The following OPRD1 variants were observed in gnomAD, a reference collection of about 807,000 sequenced individuals.
OPRD1 encodes delta-type opioid receptor.
A neutral mutation model predicts 17.5 loss-of-function variants in OPRD1; 19 were observed. That is an observed-to-expected ratio of 1.09 (90% CI 0.76 to 1.60). OPRD1 has a LOEUF of 1.60. Ranked by LOEUF, OPRD1 falls within the 40% of genes most tolerant of loss-of-function variation. The probability of loss-of-function intolerance (pLI) is 0.00; values close to 1 mark genes in which losing one functional copy is unlikely to be tolerated. For missense variants in OPRD1, 483 were observed against 547.2 expected, an observed-to-expected ratio of 0.88 and a Z score of 1.17; for synonymous variants, 256 against 240.9, an observed-to-expected ratio of 1.06 and a Z score of -0.58.
chr1:28,859,025 G>C lies in OPRD1; in HGVS notation c.299G>C (p.Ser100Thr), dbSNP rs762994659. The C allele has an allele frequency of 1.2e-6, 2 of 1,614,096 alleles. No homozygotes were observed. The highest frequency in any genetic ancestry group is 3.3e-5 in the Admixed American group (2 of 60,028). ...NLALADALAT[S>T]TLPFQSAKYL... ...GCCTTAGCCGATGCGCTGGCCACCA[G>C]CACGCTGCCTTTCCAGAGTGCCAAG... Residue 100 changes from serine to threonine, a missense_variant, in exon 2 of 3, where the codon AGC (serine) becomes ACC (threonine). Ser to Thr is a moderately conservative substitution (Grantham distance 58, BLOSUM62 1). Transcript: ENST00000234961.
chr1:28,833,760 AAGTTTCCCTG>A (rs2088826630), intron 1 of OPRD1, among the ~76,000 whole-genome samples: 1 of 152,196 alleles, frequency 6.6e-6, no homozygotes, highest in Admixed American at 6.6e-5. Context: ...TTCGTTGGGC[AAGTTTCCCTG>A]ACTCTCTGAT....
chr1:28,834,213 T>C (rs2088830988), intron 1 of OPRD1, among the ~76,000 whole-genome samples: 2 of 151,052 alleles, frequency 1.3e-5, no homozygotes, highest in Admixed American at 1.3e-4. Flanking sequence ...CGCCCAGCCT[T>C]GAACCAGTGT....
In OPRD1 at chr1:28,858,936, C is replaced by T. The variant is rs1434367599; in HGVS notation, c.228-18C>T. On this transcript the variant is annotated intron_variant, in intron 1 of 2. Transcript: ENST00000234961. ...AATCTGTGAAATGGGATTAATTACA[C>T]ATGCATTTCTTTCTAAGGTACACTA... 1.9e-6 allele frequency: 3 copies of T among 1,590,092 alleles called. No individual in the cohort carries two copies. The African/African-American group carries it at 4.0e-5, about 21-fold the overall frequency.
chr1:28,859,709 G>C (rs958154483), intron 2 of OPRD1, among the ~76,000 whole-genome samples: 1 of 152,208 alleles, frequency 6.6e-6, no homozygotes, highest in Non-Finnish European at 1.5e-5. Context: ...TCACTGACCA[G>C]TGAGCAGTGG....
chr1:28,846,701 AAAAAGAG>A lies in OPRD1; in HGVS notation c.228-12251_228-12245del, dbSNP rs1404002489. 5.3e-5 allele frequency among the ~76,000 whole-genome samples: 7 copies of A among 131,070 alleles called. No homozygotes were observed. In the South Asian group the frequency reaches 1.6e-3, roughly 30 times the overall value. The allele number at this position is 131,070 out of a possible 152,430, so 86.0% of individuals were successfully genotyped here. On this transcript the variant is annotated intron_variant, in intron 1 of 2. Transcript: ENST00000234961. Reference sequence around the variant, plus strand: ...CTGTCTCAAAAAAAGAAAAAAAAAAAAAAAGAGAGAGAGAGAGCGAGCAAGCTCTCTG... The same window carrying A: ...CTGTCTCAAAAAAAGAAAAAAAAAAAAGAGAGAGAGCGAGCAAGCTCTCTG...
chr1:28,819,429 G>T (rs2088694202), intron 1 of OPRD1, among the ~76,000 whole-genome samples: 1 of 152,178 alleles, frequency 6.6e-6, no homozygotes, highest in African/African-American at 2.4e-5. Flanking sequence ...CCTGGGTCTT[G>T]GGTTCATTCC....
At chr1:28,816,756 A>G (rs1249885358) in intron 1 of OPRD1, among the ~76,000 whole-genome samples, 6 of 152,042 alleles carry the variant, frequency 3.9e-5, no homozygotes, top group African/African-American at 1.2e-4. Context: ...TCCTCAGAGC[A>G]GACACCGGAC....
Position 28,863,285 on chromosome 1 carries a change from C to T in OPRD1, c.*2C>T. 7.0e-7 allele frequency: 1 copy of T among 1,429,522 alleles called. No individual in the cohort carries two copies. Among genetic ancestry groups the T allele is most frequent in the Non-Finnish European group, 9.1e-7 (1 of 1,102,872 alleles). 88.6% of individuals were successfully genotyped at this position (1,429,522 alleles called of 1,614,324 possible). On this transcript the variant is annotated 3_prime_UTR_variant, in exon 3 of 3. Transcript: ENST00000234961. ...CCCGGCGGTGGCGCTGCCGCCTGAC[C>T]AGGCCATCCGGCCCCCAGAGCGCCC... is the stretch of plus-strand genomic sequence containing the variant.
intron 1 of OPRD1, among the ~76,000 whole-genome samples, chr1:28,815,498 C>T (rs1418807310): frequency 6.6e-6 from 1 of 152,176 alleles, no homozygotes; most frequent in Non-Finnish European, 1.5e-5. Context: ...AGGCTGCTGT[C>T]CTTTGGGGAG....
intron 1 of OPRD1, among the ~76,000 whole-genome samples, chr1:28,855,005 C>A (rs1042491273): frequency 3.3e-5 from 5 of 152,116 alleles, no homozygotes; most frequent in Non-Finnish European, 7.3e-5. Flanking sequence ...CAGCAGGGAA[C>A]AAAATGGACG....
rs1300421619 is a variant in OPRD1, at chr1:28,812,215, C to A, written c.-169C>A. On this transcript the variant is annotated 5_prime_UTR_variant, in exon 1 of 3. Coordinates refer to ENST00000234961, the MANE Select transcript of OPRD1 (RefSeq NM_000911.4). ...AGCGGGCGGACGCCGGGGGCTGGGC[C>A]GGTGCGGGCGGCGAGGCAGGCGGAC... is the stretch of plus-strand genomic sequence containing the variant. The A allele has an allele frequency of 1.8e-5, 4 of 223,558 alleles. No individual in the cohort carries two copies. The highest frequency in any genetic ancestry group is 4.7e-5 in the African/African-American group (2 of 42,670). The allele number at this position is 223,558 out of a possible 1,614,324, so 13.8% of individuals were successfully genotyped here. A position where few individuals can be genotyped will look rare whatever the true frequency, so the allele number is the denominator to read the frequency against.
At chr1:28,824,754 G>A (rs1323759755) in intron 1 of OPRD1, among the ~76,000 whole-genome samples, 1 of 152,172 alleles carries the variant, frequency 6.6e-6, no homozygotes, top group Admixed American at 6.6e-5. Context: ...GGAAACTTGA[G>A]GCTCAGAGAA....
intron 1 of OPRD1, among the ~76,000 whole-genome samples, chr1:28,848,535 G>A (rs906427044): frequency 2.6e-5 from 4 of 152,124 alleles, no homozygotes; most frequent in African/African-American, 7.2e-5. Context: ...CCCTCCCTAA[G>A]GTCACAGATT....
At chr1:28,845,557 A>G (rs2088932700) in intron 1 of OPRD1, among the ~76,000 whole-genome samples, 1 of 152,038 alleles carries the variant, frequency 6.6e-6, no homozygotes, top group South Asian at 2.1e-4. Context: ...TTGGTGTCAT[A>G]TCCAAGAAAT....
At chr1:28,854,968 C>T (rs766227945) in intron 1 of OPRD1, among the ~76,000 whole-genome samples, 5 of 152,028 alleles carry the variant, frequency 3.3e-5, no homozygotes, top group Non-Finnish European at 2.9e-5. Flanking sequence ...GCTTTTTTGC[C>T]GGGCACTGCT....
intron 1 of OPRD1, among the ~76,000 whole-genome samples, chr1:28,829,990 T>C (rs1237530194): frequency 1.3e-5 from 2 of 152,120 alleles, no homozygotes; most frequent in African/African-American, 4.8e-5. Context: ...ATTATAGGTG[T>C]GAGCCACTGC....
rs893517306 is a variant in OPRD1, at chr1:28,857,033, C to T, written c.228-1921C>T. Among the ~76,000 whole-genome samples the T allele has an allele frequency of 4.6e-5, 7 of 152,066 alleles. 1 individual carries two copies. The highest frequency in any genetic ancestry group is 4.6e-4 in the Admixed American group (7 of 15,260). Reference sequence around the variant, plus strand: ...ACACCCAGGGGGTCTCAGACCCCAGCCAATCTACTAGGCAGTGTCCCTTCC... The same window carrying T: ...ACACCCAGGGGGTCTCAGACCCCAGTCAATCTACTAGGCAGTGTCCCTTCC... On this transcript the variant is annotated intron_variant, in intron 1 of 2. Transcript: ENST00000234961.
chr1:28,823,440 A>G (rs997791126), intron 1 of OPRD1, among the ~76,000 whole-genome samples: 1 of 151,122 alleles, frequency 6.6e-6, no homozygotes, highest in Non-Finnish European at 1.5e-5. Context: ...TCTGTCACCC[A>G]GGCTGGAGTG....
At chr1:28,861,250 T>A (rs189585661) in intron 2 of OPRD1, among the ~76,000 whole-genome samples, 1 of 152,132 alleles carries the variant, frequency 6.6e-6, no homozygotes, top group African/African-American at 2.4e-5. Context: ...TTCCAAGAGA[T>A]CCTGGGAGTC....
Sources: allele counts gnomAD v4.1 joint callset (sites outside exome capture counted in the v4.1 genomes callset), GRCh38; gene constraint gnomAD v4.1.1; transcripts MANE v1.5; gene names NCBI Gene and HGNC (gene_info 2026-07-23, HGNC 2026-07-21).